Variants in HYOU1 observed in about 807,000 individuals in gnomAD.
HYOU1 encodes the protein hypoxia up-regulated protein 1.
A neutral mutation model predicts 120.5 loss-of-function variants in HYOU1; 40 were observed. That is an observed-to-expected ratio of 0.33 (90% CI 0.26 to 0.43). The LOEUF is 0.43. Among genes scored for constraint, HYOU1 ranks in the 20% least tolerant of loss-of-function variants. The probability of loss-of-function intolerance (pLI) is 1.00; values close to 1 mark genes in which losing one functional copy is unlikely to be tolerated. For missense variants in HYOU1, 1,085 were observed against 1,278.3 expected (o/e 0.85, Z 2.31); for synonymous variants, 501 against 479.4 (o/e 1.05, Z -0.59).
At chr11:119,047,172 A>G in intron 22 of HYOU1, 1 of 208,822 alleles carries the variant, frequency 4.8e-6, no homozygotes, top group Non-Finnish European at 9.7e-6. Flanking sequence ...CTCCTGCCTC[A>G]GCCTCCTGAG....
In HYOU1 at chr11:119,044,861, G is replaced by A. The variant is rs1458111181; in HGVS notation, c.*732C>T. ...ACTCTACGTGGCTTTCCTCTTCGGA[G>A]AGGTGGTGGGCTCCCTTCTTCACTG... On this transcript the variant is annotated 3_prime_UTR_variant, in exon 26 of 26. Transcript: ENST00000617285. The A allele has an allele frequency of 3.7e-6, 1 of 272,106 alleles. No individual in the cohort carries two copies. Among genetic ancestry groups the A allele is most frequent in the African/African-American group, 2.2e-5 (1 of 45,880 alleles). 16.9% of individuals were successfully genotyped at this position (272,106 alleles called of 1,614,324 possible).
Position 119,049,198 on chromosome 11 carries a change from T to C in HYOU1, c.1812A>G (p.Glu604=), listed in dbSNP as rs2133570576. The change falls in exon 17 of 26, where the codon GAA becomes GAG. Residue 604 remains glutamate, a synonymous_variant. Coordinates refer to ENST00000617285, the MANE Select transcript of HYOU1 (RefSeq NM_006389.5). ...KENGTDTVQE[E]EESPAEGSKD... ...TGCTCCCCTCTGCAGGGCTCTCCTCTTCCTCCTGGGAAACACCACAGGCGC... is the reference window on the plus strand; with the variant it reads ...TGCTCCCCTCTGCAGGGCTCTCCTCCTCCTCCTGGGAAACACCACAGGCGC... The C allele has an allele frequency of 5.6e-6, 9 of 1,593,752 alleles. No individual in the cohort carries two copies. In the South Asian group the frequency reaches 1.0e-4, roughly 18 times the overall value.
chr11:119,047,644 CA>C, intron 22 of HYOU1, 89 bp downstream of exon 22: 1 of 1,061,150 alleles, frequency 9.4e-7, no homozygotes, highest in East Asian at 2.4e-5. Context: ...AGCCAGGAGG[CA>C]GGGGCTGCTG....
At chr11:119,056,540 G>A (rs568218707) in intron 1 of HYOU1, 2 of 376,042 alleles carry the variant, frequency 5.3e-6, no homozygotes, top group Admixed American at 3.6e-5. Flanking sequence ...CCCGCCCAGG[G>A]CTCAACCACC....
Position 119,052,468 on chromosome 11 carries a change from G to C in HYOU1, c.988-39C>G, listed in dbSNP as rs1438251066. On this transcript the variant is annotated intron_variant, in intron 9 of 25. Transcript: ENST00000617285. This position sits in a 1 kb window ranked among gnomAD's most constrained non-coding sequence, Gnocchi z 5.0. ...GGGACTGTCAGGGGGTTCTTGCCCA[G>C]CTCCCGCTCTCTTGGTGAGTAGGAC... The C allele has an allele frequency of 1.2e-6, 2 of 1,613,678 alleles. No homozygotes were observed. Among genetic ancestry groups the C allele is most frequent in the African/African-American group, 1.3e-5 (1 of 75,064 alleles).
In HYOU1 at chr11:119,045,495, C is replaced by A. The variant is rs782779471; in HGVS notation, c.*98G>T. 5 of 1,054,254 alleles carry A rather than the reference C, an allele frequency of 4.7e-6. No homozygotes were observed. The highest frequency in any genetic ancestry group is 5.9e-6 in the Non-Finnish European group (4 of 673,152). The allele number at this position is 1,054,254 out of a possible 1,614,324, so 65.3% of individuals were successfully genotyped here. A position where few individuals can be genotyped will look rare whatever the true frequency, so the allele number is the denominator to read the frequency against. On this transcript the variant is annotated 3_prime_UTR_variant, in exon 26 of 26. Coordinates refer to ENST00000617285, the MANE Select transcript of HYOU1 (RefSeq NM_006389.5). ...ACAGGGGTGAGAAAGGAACTCCAGC[C>A]GAGGGCAGGACCAACCCCTCCCCCA...
At chr11:119,049,484 C>A in intron 16 of HYOU1, 72 bp downstream of exon 16, 2 of 1,573,958 alleles carry the variant, frequency 1.3e-6, no homozygotes, top group Admixed American at 3.3e-5. Flanking sequence ...CTACCCTCAC[C>A]CCCTTCCTCT....
In HYOU1 at chr11:119,055,850, G is replaced by A. The variant is rs781973184; in HGVS notation, c.92-7C>T. 4 of 1,612,668 alleles carry A rather than the reference G, an allele frequency of 2.5e-6. No homozygotes were observed. Among genetic ancestry groups the A allele is most frequent in the Admixed American group, 1.7e-5 (1 of 60,000 alleles). On this transcript the variant is annotated splice_region_variant and splice_polypyrimidine_tract_variant and intron_variant, in intron 2 of 25. Coordinates refer to ENST00000617285, the MANE Select transcript of HYOU1 (RefSeq NM_006389.5). This position sits in a 1 kb window ranked among gnomAD's most constrained non-coding sequence, Gnocchi z 4.0. Reference sequence around the variant, plus strand: ...GACATCACTGCCAGTGTATCTGAAGGGAAAAGAGGTTTGTCAGTTAGCTCT... The same window carrying A: ...GACATCACTGCCAGTGTATCTGAAGAGAAAAGAGGTTTGTCAGTTAGCTCT...
At position 119,049,006 on chromosome 11, in the gene HYOU1, G is replaced by C. The variant is rs2133568924; in HGVS notation, c.1992+12C>G. 1 of 1,613,650 alleles carries C rather than the reference G, an allele frequency of 6.2e-7. No homozygotes were observed. Among genetic ancestry groups the C allele is most frequent in the African/African-American group, 1.3e-5 (1 of 74,914 alleles). On this transcript the variant is annotated intron_variant, in intron 17 of 25. Coordinates refer to ENST00000617285, the MANE Select transcript of HYOU1 (RefSeq NM_006389.5). ...TCTGGATCCACACTGGCCTTCCTCT[G>C]CCACAGCTCACCTGGGCCTCAGACT...
rs533088185 is a variant in HYOU1 at position 119,045,535 on chromosome 11, A to G, written c.*58T>C. 42 of 1,435,254 alleles carry G rather than the reference A, an allele frequency of 2.9e-5. No homozygotes were observed. The Middle Eastern group carries it at 5.2e-4, about 18-fold the overall frequency. 88.9% of individuals were successfully genotyped at this position (1,435,254 alleles called of 1,614,324 possible). A position where few individuals can be genotyped will look rare whatever the true frequency, so the allele number is the denominator to read the frequency against. Reference sequence around the variant, plus strand: ...CCCCTCCCCCAACCCTCGATGTTAAATAAATAGAAGTGGTGGGGGAAGGGG... The same window carrying G: ...CCCCTCCCCCAACCCTCGATGTTAAGTAAATAGAAGTGGTGGGGGAAGGGG... On this transcript the variant is annotated 3_prime_UTR_variant, in exon 26 of 26. Transcript: ENST00000617285.
rs2133589452 is a variant in HYOU1 at position 119,051,984 on chromosome 11, C to T, written c.1206-33G>A. The T allele has an allele frequency of 5.6e-6, 9 of 1,613,540 alleles. No homozygotes were observed. The highest frequency in any genetic ancestry group is 7.6e-6 in the Non-Finnish European group (9 of 1,179,504). On this transcript the variant is annotated intron_variant, in intron 11 of 25. Coordinates refer to ENST00000617285, the MANE Select transcript of HYOU1 (RefSeq NM_006389.5). The surrounding 1 kb of genome is among the most constrained non-coding windows in gnomAD (Gnocchi z 4.2). ...AGCCCCAAGCCTCAGCACGGTCTACCCTGGAGCATGCAACCGGGACTTCCC... is the reference window on the plus strand; with the variant it reads ...AGCCCCAAGCCTCAGCACGGTCTACTCTGGAGCATGCAACCGGGACTTCCC...
Position 119,048,038 on chromosome 11 carries a change from C to A in HYOU1, c.2419G>T (p.Gly807Trp), listed in dbSNP as rs2133560555. The A allele has an allele frequency of 3.7e-6, 6 of 1,614,118 alleles. No homozygotes were observed. Among genetic ancestry groups the A allele is most frequent in the South Asian group, 1.1e-5 (1 of 91,090 alleles). The change falls in exon 21 of 26, where the codon GGG becomes TGG. Residue 807 changes from glycine (G) to tryptophan (W), a missense_variant. Gly to Trp is a radical substitution (Grantham distance 184, BLOSUM62 -2). Around this residue, in one of 4 missense-constraint regions of HYOU1, gnomAD observed 516 missense variants for 517.1 expected, o/e 1.00. Transcript: ENST00000617285. This position sits in a 1 kb window ranked among gnomAD's most constrained non-coding sequence, Gnocchi z 4.7. ...CGCTCCTCTACCCGAAAAAACAGCCCTTGGCACAGCTTCCTCAGCTCAGCC... is the reference window on the plus strand; with the variant it reads ...CGCTCCTCTACCCGAAAAAACAGCCATTGGCACAGCTTCCTCAGCTCAGCC... ...KLAELRKLCQ[G>W]LFFRVEERKK... is the part of the protein sequence containing the mutation.
intron 23 of HYOU1, 47 bp from the exon 24 acceptor site, chr11:119,046,514 G>A (rs1297849274): frequency 6.2e-7 from 1 of 1,614,110 alleles, no homozygotes; most frequent in Admixed American, 1.7e-5. Context: ...AGGAAAGGAG[G>A]CTGTCTCCCT....
At position 119,055,123 on chromosome 11, in the gene HYOU1, A is replaced by G. The variant is rs2133610144; in HGVS notation, c.419+62T>C. 8.2e-3 allele frequency: 13,263 copies of G among 1,613,312 alleles called. 854 individuals carry two copies. In the African/African-American group the frequency reaches 0.14, roughly 18 times the overall value. ...AGGCATTAAGGCAGGACAATCAGGA[A>G]CACACACCAATGAGGAGCCCAGCAG... On this transcript the variant is annotated intron_variant, in intron 5 of 25. Coordinates refer to ENST00000617285, the MANE Select transcript of HYOU1 (RefSeq NM_006389.5). The surrounding 1 kb of genome is among the most constrained non-coding windows in gnomAD (Gnocchi z 4.0).
rs1944227327 is a variant in HYOU1, at chr11:119,048,594, G to C, written c.2166-31C>G. On this transcript the variant is annotated intron_variant, in intron 18 of 25. Coordinates refer to ENST00000617285, the MANE Select transcript of HYOU1 (RefSeq NM_006389.5). This position sits in a 1 kb window ranked among gnomAD's most constrained non-coding sequence, Gnocchi z 4.7. ...GGACAAAGGAGGGGTAGGGATGAGG[G>C]AGAGGGCAAGTGAGAACTTGAGACT... 5.0e-6 allele frequency: 8 copies of C among 1,612,046 alleles called. No homozygotes were observed. The highest frequency in any genetic ancestry group is 1.7e-4 in the Middle Eastern group (1 of 6,054).
chr11:119,049,581 T>G lies in HYOU1; in HGVS notation c.1781A>C (p.Lys594Thr), dbSNP rs2133574173. The G allele has an allele frequency of 1.2e-6, 2 of 1,614,148 alleles. No individual in the cohort carries two copies. The highest frequency in any genetic ancestry group is 4.5e-5 in the East Asian group (2 of 44,868). ...CTGGACAGTATCAGTACCATTCTCC[T>G]TGGCATCTGGTGTGGTACCGCCTCC... is the stretch of plus-strand genomic sequence containing the variant. ...LFGGGTTPDA[K>T]ENGTDTVQEE... Residue 594 changes from lysine (K) to threonine (T), a missense_variant, in exon 16 of 26, where the codon AAG becomes ACG. This residue lies in a region of HYOU1 where 516 missense variants were observed against 517.1 expected (regional missense o/e 1.00). Coordinates refer to ENST00000617285, the MANE Select transcript of HYOU1 (RefSeq NM_006389.5).
intron 22 of HYOU1, chr11:119,047,077 A>C: frequency 2.9e-6 from 1 of 341,026 alleles, no homozygotes. Context: ...TTTTTTTGAG[A>C]CGGAGTCTCG....
At position 119,045,361 on chromosome 11, in the gene HYOU1, A is replaced by C; in HGVS notation, c.*232T>G. 1 of 666,998 alleles carries C rather than the reference A, an allele frequency of 1.5e-6. No homozygotes were observed. Among genetic ancestry groups the C allele is most frequent in the Non-Finnish European group, 2.7e-6 (1 of 363,726 alleles). The allele number at this position is 666,998 out of a possible 1,614,324, so 41.3% of individuals were successfully genotyped here. A position where few individuals can be genotyped will look rare whatever the true frequency, so the allele number is the denominator to read the frequency against. On this transcript the variant is annotated 3_prime_UTR_variant, in exon 26 of 26. Transcript: ENST00000617285. Reference sequence around the variant, plus strand: ...AATTTAGGGCCTATATGGGTAGGGAACAGGGAGTGGGGCTGGGGAGGAGAA... The same window carrying C: ...AATTTAGGGCCTATATGGGTAGGGACCAGGGAGTGGGGCTGGGGAGGAGAA...
Position 119,052,935 on chromosome 11 carries a change from A to G in HYOU1, c.795-106T>C, listed in dbSNP as rs892777629. On this transcript the variant is annotated intron_variant, in intron 8 of 25. Coordinates refer to ENST00000617285, the MANE Select transcript of HYOU1 (RefSeq NM_006389.5). This position sits in a 1 kb window ranked among gnomAD's most constrained non-coding sequence, Gnocchi z 5.0. Reference sequence around the variant, plus strand: ...TGGCACCTTTCCTTCATCTCAGGGGACCTTGTTCATCTCCAGTGCCCCATG... The same window carrying G: ...TGGCACCTTTCCTTCATCTCAGGGGGCCTTGTTCATCTCCAGTGCCCCATG... The G allele has an allele frequency of 8.5e-6, 9 of 1,063,774 alleles. No homozygotes were observed. Among genetic ancestry groups the G allele is most frequent in the Non-Finnish European group, 5.3e-6 (4 of 748,756 alleles). 65.9% of individuals were successfully genotyped at this position (1,063,774 alleles called of 1,614,324 possible). A position where few individuals can be genotyped will look rare whatever the true frequency, so the allele number is the denominator to read the frequency against.
Sources: gnomAD v4.1 joint callset for allele counts on GRCh38, gnomAD v4.1.1 for gene constraint, gnomAD v4.1.1 regional missense constraint, Gnocchi (gnomAD v3.1) non-coding constraint, MANE v1.5 for transcripts, NCBI Gene and HGNC (gene_info 2026-07-23, HGNC 2026-07-21) for gene names.